The following KIFAP3 variants were observed in gnomAD, a reference collection of about 807,000 sequenced individuals.
The protein encoded by KIFAP3 is kinesin-associated protein 3.
A neutral mutation model predicts 106.5 loss-of-function variants in KIFAP3; 68 were observed. The ratio of observed to expected loss-of-function variants is 0.64; its 90% CI spans 0.53 to 0.78. The LOEUF is 0.78. KIFAP3 is among the 30% of genes least tolerant of loss of function. The pLI, the probability that KIFAP3 is intolerant of heterozygous loss-of-function variation, is 0.00. For missense variants in KIFAP3, 780 were observed against 941.8 expected (o/e 0.83, Z 2.25); for synonymous variants, 320 against 311.5 (o/e 1.03, Z -0.29).
In KIFAP3 at chr1:170,074,306, G is replaced by T. The variant is rs1347823533; in HGVS notation, c.32+130C>A. 4.6e-6 allele frequency: 5 copies of T among 1,090,064 alleles called. No individual in the cohort carries two copies. In the African/African-American group the frequency reaches 6.3e-5, roughly 14 times the overall value. 67.5% of individuals were successfully genotyped at this position (1,090,064 alleles called of 1,614,324 possible). ...CACTTCACCTTTTCCCTCTCCTTTC[G>T]GTGACTTCTCTCCCTGCTTCCCATC... On this transcript the variant is annotated intron_variant, in intron 1 of 19. Transcript: ENST00000361580.
At chr1:169,991,582 C>CA (rs1667110556) in intron 11 of KIFAP3, among the ~76,000 whole-genome samples, 1 of 151,996 alleles carries the variant, frequency 6.6e-6, no homozygotes, top group African/African-American at 2.4e-5. Flanking sequence ...ATATTTTGGC[C>CA]AAAACAAAGA....
chr1:169,931,147 T>C (rs61806080), intron 19 of KIFAP3, among the ~76,000 whole-genome samples: 4,020 of 152,208 alleles, frequency 0.026, 104 homozygotes, highest in Middle Eastern at 0.051. Flanking sequence ...CTCGAACTCC[T>C]GAACTCAGGT....
chr1:169,965,306 C>T (rs1050736360), intron 17 of KIFAP3, among the ~76,000 whole-genome samples: 1 of 151,912 alleles, frequency 6.6e-6, no homozygotes. Flanking sequence ...AGAGGTATTC[C>T]TTCAAGGAAA....
At chr1:170,052,697 T>A (rs998618101) in intron 2 of KIFAP3, among the ~76,000 whole-genome samples, 1 of 152,160 alleles carries the variant, frequency 6.6e-6, no homozygotes, top group Non-Finnish European at 1.5e-5. Context: ...CATATGCAAA[T>A]CAATTAATGT....
upstream of KIFAP3, among the ~76,000 whole-genome samples, chr1:170,076,056 A>G (rs928991299): frequency 6.6e-6 from 1 of 152,242 alleles, no homozygotes; most frequent in African/African-American, 2.4e-5. Flanking sequence ...CAAAATATAC[A>G]TTAAAATGCA....
At chr1:169,994,720 T>A (rs1166394177) in intron 10 of KIFAP3, among the ~76,000 whole-genome samples, 2 of 152,004 alleles carry the variant, frequency 1.3e-5, no homozygotes, top group Admixed American at 1.3e-4. Context: ...CATCTATTTT[T>A]AATTTTTCCC....
intron 2 of KIFAP3, among the ~76,000 whole-genome samples, chr1:170,047,494 G>A (rs757834871): frequency 2.6e-5 from 4 of 151,650 alleles, no homozygotes; most frequent in South Asian, 4.2e-4. Context: ...GGTGGTGCGC[G>A]CCTGTAATCC....
intron 18 of KIFAP3, 42 bp from the exon 19 acceptor site, chr1:169,954,152 A>G (rs1664883260): frequency 8.7e-7 from 1 of 1,151,028 alleles, no homozygotes; most frequent in Non-Finnish European, 1.3e-6. Context: ...ACATATGTGT[A>G]GGAAAAACCT....
chr1:169,993,877 T>C (rs576300213), intron 10 of KIFAP3, among the ~76,000 whole-genome samples: 4 of 152,256 alleles, frequency 2.6e-5, no homozygotes, highest in African/African-American at 7.2e-5. Flanking sequence ...AGAGCAAGAC[T>C]GTCTCAAAAA....
intron 9 of KIFAP3, among the ~76,000 whole-genome samples, chr1:170,020,356 A>T (rs1668746464): frequency 7.8e-6 from 1 of 128,584 alleles, no homozygotes; most frequent in East Asian, 2.7e-4. Context: ...AAGAGGCTAT[A>T]GTAATCAAGA....
At chr1:170,036,407 G>A (rs1669695914) in intron 5 of KIFAP3, among the ~76,000 whole-genome samples, 1 of 152,020 alleles carries the variant, frequency 6.6e-6, no homozygotes, top group Non-Finnish European at 1.5e-5. Flanking sequence ...AACAAAAATT[G>A]ATTGTATTAG....
intron 11 of KIFAP3, chr1:169,990,236 A>C (rs1412197844): frequency 1.2e-6 from 1 of 844,898 alleles, no homozygotes; most frequent in African/African-American, 1.8e-5. Flanking sequence ...AATACCAAAA[A>C]TTCACACTAG....
chr1:169,959,503 A>G (rs893447277), intron 18 of KIFAP3, among the ~76,000 whole-genome samples: 1 of 152,194 alleles, frequency 6.6e-6, no homozygotes, highest in South Asian at 2.1e-4. Context: ...GTTTTCTCAC[A>G]AAAGCATAAC....
At chr1:170,066,858 C>T (rs927226658) in intron 1 of KIFAP3, among the ~76,000 whole-genome samples, 1 of 152,056 alleles carries the variant, frequency 6.6e-6, no homozygotes, top group African/African-American at 2.4e-5. Flanking sequence ...ATTAAGGTGA[C>T]CCTAAATTTT....
chr1:169,990,486 G>A (rs1421233059), intron 11 of KIFAP3, among the ~76,000 whole-genome samples: 4 of 152,022 alleles, frequency 2.6e-5, no homozygotes, highest in African/African-American at 9.7e-5. Flanking sequence ...TTTTTACACA[G>A]AGTATGTTTA....
At chr1:170,083,620 C>T (rs1304657770) in intron 1 of KIFAP3, among the ~76,000 whole-genome samples, 2 of 152,170 alleles carry the variant, frequency 1.3e-5, no homozygotes, top group Admixed American at 1.3e-4. Flanking sequence ...GTATTTATCA[C>T]ATTAAGGGCA....
chr1:169,977,106 C>G (rs1212408661), intron 16 of KIFAP3, among the ~76,000 whole-genome samples: 2 of 152,270 alleles, frequency 1.3e-5, no homozygotes, highest in Non-Finnish European at 2.9e-5. Context: ...TCCCTGAGGT[C>G]AAGGACTTTC....
At chr1:169,962,141 A>G (rs1039842094) in intron 17 of KIFAP3, among the ~76,000 whole-genome samples, 2 of 151,856 alleles carry the variant, frequency 1.3e-5, no homozygotes, top group Admixed American at 6.6e-5. Context: ...AAATATCAGA[A>G]TTGAATTTAA....
At chr1:170,028,098 T>C (rs1669209142) in intron 8 of KIFAP3, among the ~76,000 whole-genome samples, 1 of 152,056 alleles carries the variant, frequency 6.6e-6, no homozygotes, top group Non-Finnish European at 1.5e-5. Context: ...GAGACTTTTT[T>C]AGACACACAA....
Sources: allele counts gnomAD v4.1 joint callset (sites outside exome capture counted in the v4.1 genomes callset), GRCh38; gene constraint gnomAD v4.1.1; transcripts MANE v1.5; gene names NCBI Gene and HGNC (gene_info 2026-07-23, HGNC 2026-07-21).